The following FRMD8 variants were observed in gnomAD, a reference collection of about 807,000 sequenced individuals.
FRMD8 encodes the protein FERM domain-containing protein 8.
A neutral mutation model predicts 54.2 loss-of-function variants in FRMD8; 37 were observed. The ratio of observed to expected loss-of-function variants is 0.68; its 90% CI spans 0.53 to 0.90. The LOEUF is 0.90. Ranked by LOEUF, FRMD8 falls within the 40% of genes least tolerant of loss-of-function variation. The probability of loss-of-function intolerance (pLI) is 0.00; values close to 1 mark genes in which losing one functional copy is unlikely to be tolerated. For synonymous variants in FRMD8, 246 were observed against 286.9 expected, an observed-to-expected ratio of 0.86 and a Z score of 1.44; for missense variants, 585 against 653.7, an observed-to-expected ratio of 0.89 and a Z score of 1.15.
In FRMD8 at chr11:65,386,730, C is replaced by T. The variant is rs1855739295; in HGVS notation, c.-32C>T. On this transcript the variant is annotated 5_prime_UTR_variant, in exon 1 of 11. Coordinates refer to ENST00000317568, the MANE Select transcript of FRMD8 (RefSeq NM_031904.5). ...GCAGGATTCCAGGCAGGAGCCTTGC[C>T]TCTCAGGTGGCGGGCTCTGCGACCC... is the stretch of plus-strand genomic sequence containing the variant. 7.5e-6 allele frequency: 3 copies of T among 397,758 alleles called. No homozygotes were observed. The highest frequency in any genetic ancestry group is 4.5e-5 in the Admixed American group (1 of 22,380). The allele number at this position is 397,758 out of a possible 1,614,324, so 24.6% of individuals were successfully genotyped here. A position where few individuals can be genotyped will look rare whatever the true frequency, so the allele number is the denominator to read the frequency against.
the FRMD8 span, chr11:65,380,559 C>G: frequency 3.8e-5 from 51 of 1,326,836 alleles, no homozygotes; most frequent in Admixed American, 2.2e-5. Flanking sequence ...ACTCTTCTTT[C>G]TTCAACTCAT....
intron 3 of FRMD8, among the ~76,000 whole-genome samples, chr11:65,392,971 T>C (rs1855873092): frequency 6.6e-6 from 1 of 151,862 alleles, no homozygotes; most frequent in South Asian, 2.1e-4. Flanking sequence ...TTAAGGAGAT[T>C]TAAGAAGGCC....
chr11:65,394,479 G>C, intron 6 of FRMD8, 54 bp downstream of exon 6: 1 of 1,526,902 alleles, frequency 6.5e-7, no homozygotes, highest in Admixed American at 2.0e-5. Context: ...GTTTGTCCTT[G>C]GAATGGAACT....
intron 9 of FRMD8, among the ~76,000 whole-genome samples, 163 bp downstream of exon 9, chr11:65,401,030 C>G (rs1324603566): frequency 1.3e-5 from 2 of 152,054 alleles, no homozygotes; most frequent in African/African-American, 4.8e-5. Context: ...GTCCTGCTGA[C>G]CCAGAGCTGC....
intron 10 of FRMD8, among the ~76,000 whole-genome samples, chr11:65,407,228 CATTTATTTATTT>C (rs66771671): frequency 0.014 from 2,030 of 147,162 alleles, 53 homozygotes; most frequent in African/African-American, 0.048. Context: ...CAAAGATCTA[CATTTATTTATTT>C]ATTTATTTAT....
intron 10 of FRMD8, among the ~76,000 whole-genome samples, chr11:65,406,278 TC>T (rs1247813039): frequency 2.7e-4 from 41 of 151,064 alleles, no homozygotes; most frequent in African/African-American, 9.2e-4. Context: ...CACTGCAAGC[TC>T]CACCTCCTGG....
In FRMD8 at chr11:65,392,339, A is replaced by C. The variant is rs145619816; in HGVS notation, c.254-1234A>C. ...GGACCCCTGGCCTCAGGCCAGCAGG[A>C]GGGGCGATTGGCCATCAGTGGGGAC... On this transcript the variant is annotated intron_variant, in intron 3 of 10. Coordinates refer to ENST00000317568, the MANE Select transcript of FRMD8 (RefSeq NM_031904.5). Among the ~76,000 whole-genome samples, 754 of 152,228 alleles carry C rather than the reference A, an allele frequency of 5.0e-3. 9 individuals are homozygous for C. Among genetic ancestry groups the C allele is most frequent in the African/African-American group, 0.017 (702 of 41,520 alleles).
intron 3 of FRMD8, 25 bp downstream of exon 3, chr11:65,389,553 A>T: frequency 6.5e-7 from 1 of 1,546,810 alleles, no homozygotes. Context: ...TGAGGAGCCC[A>T]GGCTGGAGGG....
In FRMD8 at chr11:65,412,730, C is replaced by T. The variant is rs1461161206; in HGVS notation, c.*1370C>T. On this transcript the variant is annotated 3_prime_UTR_variant, in exon 11 of 11. Coordinates refer to ENST00000317568, the MANE Select transcript of FRMD8 (RefSeq NM_031904.5). ...GTATCAGAGCCTGTTCACCCTCCTCCCTTTGGTAGCTTGTGAATGTGCCAG... is the reference window on the plus strand; with the variant it reads ...GTATCAGAGCCTGTTCACCCTCCTCTCTTTGGTAGCTTGTGAATGTGCCAG... The T allele has an allele frequency of 2.0e-5, 3 of 152,240 alleles. No individual in the cohort carries two copies. Among genetic ancestry groups the T allele is most frequent in the East Asian group, 1.9e-4 (1 of 5,192 alleles). 9.4% of individuals were successfully genotyped at this position (152,240 alleles called of 1,614,324 possible).
chr11:65,369,095 G>A, the FRMD8 span, among the ~76,000 whole-genome samples: 1 of 152,146 alleles, frequency 6.6e-6, no homozygotes, highest in East Asian at 1.9e-4. Flanking sequence ...TAACATAATG[G>A]AAGGCAAATC....
At chr11:65,379,105 C>A in the FRMD8 span, 4 of 462,402 alleles carry the variant, frequency 8.7e-6, no homozygotes, top group South Asian at 9.6e-5. Flanking sequence ...TGGAGGGGGG[C>A]AAGCCCCGTC....
In FRMD8 at chr11:65,394,023, C is replaced by G; in HGVS notation, c.356-18C>G. The G allele has an allele frequency of 1.2e-6, 2 of 1,613,838 alleles. No individual in the cohort carries two copies. The highest frequency in any genetic ancestry group is 2.2e-5 in the South Asian group (2 of 91,076). On this transcript the variant is annotated intron_variant, in intron 4 of 10. Transcript: ENST00000317568. ...GCAGAGTGGGGATGCCCGGCAGTGACCCAGCCTCTCTCCCCAGATGAGCCT... is the reference window on the plus strand; with the variant it reads ...GCAGAGTGGGGATGCCCGGCAGTGAGCCAGCCTCTCTCCCCAGATGAGCCT...
chr11:65,380,142 T>C, the FRMD8 span: 1 of 1,614,076 alleles, frequency 6.2e-7, no homozygotes, highest in Non-Finnish European at 8.5e-7. Context: ...CTTTACAGTG[T>C]CAAACGGGTG....
chr11:65,380,013 G>A, the FRMD8 span: 19 of 1,594,650 alleles, frequency 1.2e-5, no homozygotes, highest in African/African-American at 2.7e-5. Flanking sequence ...CCCCTCAAGC[G>A]GGATGCCAAC....
chr11:65,408,070 T>C (rs1856245436), intron 10 of FRMD8, among the ~76,000 whole-genome samples: 1 of 148,480 alleles, frequency 6.7e-6, no homozygotes, highest in Non-Finnish European at 1.5e-5. Flanking sequence ...AGAATAATTG[T>C]TTTTTCTTTT....
intron 3 of FRMD8, among the ~76,000 whole-genome samples, chr11:65,392,524 G>T (rs1258838110): frequency 5.3e-5 from 8 of 152,208 alleles, no homozygotes; most frequent in Non-Finnish European, 4.4e-5. Context: ...GGTGGCCACT[G>T]TTTTTTGGTG....
At chr11:65,379,685 C>T in the FRMD8 span, 2 of 1,271,272 alleles carry the variant, frequency 1.6e-6, no homozygotes, top group South Asian at 1.5e-5. Flanking sequence ...GAAGTGGGGA[C>T]AGGCAGGGAT....
the FRMD8 span, among the ~76,000 whole-genome samples, chr11:65,369,396 G>A: frequency 6.7e-6 from 1 of 150,262 alleles, no homozygotes; most frequent in African/African-American, 2.5e-5. Context: ...AACAGCCTGG[G>A]CAACATAATG....
At chr11:65,399,483 C>T (rs1329531860) in intron 7 of FRMD8, among the ~76,000 whole-genome samples, 6 of 152,204 alleles carry the variant, frequency 3.9e-5, no homozygotes, top group African/African-American at 1.4e-4. Flanking sequence ...TGGGGCCACG[C>T]GCTTCCCTCC....
Sources: allele counts gnomAD v4.1 joint callset (sites outside exome capture counted in the v4.1 genomes callset), GRCh38; gene constraint gnomAD v4.1.1; transcripts MANE v1.5; gene names NCBI Gene and HGNC (gene_info 2026-07-23, HGNC 2026-07-21).